The following DMD variants were observed in gnomAD, a reference collection of about 807,000 sequenced individuals.
DMD encodes the protein dystrophin, also known as mutant dystrophin.
In DMD, 63 loss-of-function variants were observed where a neutral mutation model predicts 330.1. The observed-to-expected ratio is 0.19, with a 90% CI of 0.16 to 0.24. DMD has a LOEUF of 0.24. Among genes scored for constraint, DMD ranks in the 10% least tolerant of loss-of-function variants. DMD has a pLI of 1.00. For missense variants in DMD, 3,344 were observed against 2,684.1 expected, an observed-to-expected ratio of 1.25 and a Z score of -5.43; for synonymous variants, 1,223 against 959.8, an observed-to-expected ratio of 1.27 and a Z score of -5.07.
intron 52 of DMD, among the ~76,000 whole-genome samples, chrX:31,716,751 T>TATAA (rs1455117411): frequency 1.8e-5 from 2 of 109,222 alleles, no homozygotes; most frequent in Non-Finnish European, 3.8e-5. Context: ...TGATAGTTTA[T>TATAA]ATATCAGTCG....
intron 37 of DMD, among the ~76,000 whole-genome samples, chrX:32,358,225 G>T (rs190796979): frequency 4.5e-5 from 5 of 110,893 alleles, no homozygotes; most frequent in Admixed American, 2.9e-4. Flanking sequence ...GCTTCTAGAG[G>T]GATGGAGAGG....
chrX:31,139,476 C>T (rs1435934917), intron 76 of DMD, among the ~76,000 whole-genome samples: 34 of 58,575 alleles, frequency 5.8e-4, no homozygotes, highest in African/African-American at 9.9e-4. Flanking sequence ...TGTTTATATA[C>T]ACACACACAC....
chrX:32,859,329 G>A (rs778014385), intron 2 of DMD, among the ~76,000 whole-genome samples: 5 of 109,238 alleles, frequency 4.6e-5, no homozygotes, highest in South Asian at 8.2e-4. Context: ...TTAGCTGGGC[G>A]TGGTGGCACA....
At chrX:32,444,066 G>C (rs991506545) in intron 27 of DMD, among the ~76,000 whole-genome samples, 1 of 110,604 alleles carries the variant, frequency 9.0e-6, no homozygotes, top group South Asian at 3.7e-4. Flanking sequence ...ATCAGAACAG[G>C]GTATACGACA....
At chrX:31,150,146 T>C (rs773920550) in intron 74 of DMD, among the ~76,000 whole-genome samples, 2 of 112,035 alleles carry the variant, frequency 1.8e-5, no homozygotes, top group South Asian at 7.5e-4. Context: ...AGTGTTGAGA[T>C]ATAATTATGG....
chrX:31,132,087 C>T (rs144422376), intron 77 of DMD, among the ~76,000 whole-genome samples: 1,331 of 111,914 alleles, frequency 0.012, 27 homozygotes, highest in African/African-American at 0.041. Flanking sequence ...GAATTGGTAT[C>T]GGACAAGGCT....
At chrX:31,371,988 G>C (rs1403303061) in intron 60 of DMD, among the ~76,000 whole-genome samples, 2 of 111,958 alleles carry the variant, frequency 1.8e-5, no homozygotes, top group Non-Finnish European at 3.8e-5. Context: ...TCAGAAAGTA[G>C]TTGTTAGAAT....
chrX:32,838,229 AT>A (rs750026839), intron 4 of DMD, among the ~76,000 whole-genome samples: 1 of 110,743 alleles, frequency 9.0e-6, no homozygotes, highest in African/African-American at 3.3e-5. Context: ...TCTATCACTG[AT>A]TTTTCATTTT....
intron 9 of DMD, among the ~76,000 whole-genome samples, chrX:32,674,500 C>T (rs1414244420): frequency 9.0e-6 from 1 of 111,545 alleles, no homozygotes; most frequent in East Asian, 2.8e-4. Context: ...TTCTTCTACT[C>T]TCTGATGGCA....
At chrX:32,153,055 A>C (rs1411440543) in intron 44 of DMD, among the ~76,000 whole-genome samples, 1 of 112,234 alleles carries the variant, frequency 8.9e-6, no homozygotes, top group Non-Finnish European at 1.9e-5. Flanking sequence ...TGTTCTTATC[A>C]GATGAGTTTG....
At chrX:31,331,157 T>C in intron 61 of DMD, among the ~76,000 whole-genome samples, 1 of 111,642 alleles carries the variant, frequency 9.0e-6, no homozygotes, top group East Asian at 2.8e-4. Flanking sequence ...TCCTAACGAA[T>C]AACAACCTGT....
At chrX:32,673,361 A>G (rs1265300257) in intron 9 of DMD, among the ~76,000 whole-genome samples, 1 of 111,485 alleles carries the variant, frequency 9.0e-6, no homozygotes, top group East Asian at 2.8e-4. Flanking sequence ...AGAAACAAAA[A>G]TGTTGCCACC....
chrX:31,619,022 G>C (rs1162991631), intron 55 of DMD, among the ~76,000 whole-genome samples: 3 of 110,932 alleles, frequency 2.7e-5, no homozygotes. Flanking sequence ...AATATACGAT[G>C]GTATTACATC....
intron 54 of DMD, among the ~76,000 whole-genome samples, chrX:31,640,712 C>T (rs771268839): frequency 4.5e-5 from 5 of 112,324 alleles, no homozygotes; most frequent in East Asian, 5.6e-4. Flanking sequence ...TGTGACATAG[C>T]GTTATTCTGT....
intron 47 of DMD, among the ~76,000 whole-genome samples, chrX:31,925,121 C>T (rs73467916): frequency 0.079 from 8,839 of 111,419 alleles, 327 homozygotes; most frequent in African/African-American, 0.14. Context: ...TTTTAAAACA[C>T]AGCATCTAGT....
chrX:32,561,656 A>T (rs1398668127), intron 16 of DMD, among the ~76,000 whole-genome samples: 1 of 111,406 alleles, frequency 9.0e-6, no homozygotes, highest in Non-Finnish European at 1.9e-5. Context: ...GAAATACAAG[A>T]TACTCACTGA....
At chrX:31,265,082 T>G (rs978406396) in intron 62 of DMD, among the ~76,000 whole-genome samples, 3 of 112,676 alleles carry the variant, frequency 2.7e-5, no homozygotes, top group African/African-American at 9.7e-5. Flanking sequence ...AAAAACTATC[T>G]GTCCACTACT....
At chrX:31,600,510 GTTTTTTT>G (rs1177947507) in intron 55 of DMD, among the ~76,000 whole-genome samples, 40 of 50,489 alleles carry the variant, frequency 7.9e-4, no homozygotes, top group African/African-American at 2.8e-3. Flanking sequence ...GCCAACTATG[GTTTTTTT>G]TTTTTTTTTT....
chrX:32,845,152 T>A (rs912057038), intron 3 of DMD, among the ~76,000 whole-genome samples: 1 of 111,874 alleles, frequency 8.9e-6, no homozygotes, highest in Admixed American at 9.5e-5. Flanking sequence ...TGACCACCAA[T>A]GACAGAAACA....
Sources: allele counts gnomAD v4.1 joint callset (sites outside exome capture counted in the v4.1 genomes callset), GRCh38; gene constraint gnomAD v4.1.1; transcripts MANE v1.5; gene names NCBI Gene and HGNC (gene_info 2026-07-23, HGNC 2026-07-21).